SPRR2B: variants seen among roughly 807,000 people sequenced by gnomAD.
SPRR2B encodes the protein small proline-rich protein 2B.
A neutral mutation model predicts 1.0 loss-of-function variants in SPRR2B; 1 was observed. The observed-to-expected ratio is 1.01, with a 90% confidence interval of 0.36 to 4.77. SPRR2B has a LOEUF of 4.77. Among genes scored for constraint, SPRR2B ranks in the 30% most tolerant of loss-of-function variants. SPRR2B has a pLI of 0.16. For missense variants in SPRR2B, 53 were observed against 88.7 expected, an observed-to-expected ratio of 0.60 and a Z score of 1.62; for synonymous variants, 27 against 33.4, an observed-to-expected ratio of 0.81 and a Z score of 0.66.
At chr1:153,077,616 T>C in the SPRR2B span, among the ~76,000 whole-genome samples, 54 of 152,134 alleles carry the variant, frequency 3.5e-4, no homozygotes, top group East Asian at 0.01. Context: ...TTTCTTTTTT[T>C]TTCTTTTCTT....
the SPRR2B span, among the ~76,000 whole-genome samples, chr1:153,076,724 T>C: frequency 1.3e-5 from 2 of 152,334 alleles, no homozygotes; most frequent in Middle Eastern, 6.8e-3. Flanking sequence ...TTTTAAAATA[T>C]GTCAACACAA....
chr1:153,073,461 CCACT>C (rs66884220), upstream of SPRR2B, among the ~76,000 whole-genome samples: 2,457 of 152,192 alleles, frequency 0.016, 61 homozygotes, highest in African/African-American at 0.056. Flanking sequence ...TGAGAACACC[CCACT>C]CAAACAGGCT....
At chr1:153,079,030 T>C in the SPRR2B span, among the ~76,000 whole-genome samples, 1 of 152,210 alleles carries the variant, frequency 6.6e-6, no homozygotes, top group African/African-American at 2.4e-5. Flanking sequence ...ACCTGTTGTT[T>C]CCTGACTTTT....
the SPRR2B span, among the ~76,000 whole-genome samples, chr1:153,082,007 G>A: frequency 4.6e-5 from 7 of 151,998 alleles, no homozygotes; most frequent in African/African-American, 1.4e-4. Flanking sequence ...TAGAGACAGT[G>A]CATCCTGCCC....
At chr1:153,075,858 A>T (rs1456465077), upstream of SPRR2B, among the ~76,000 whole-genome samples, 1 of 152,194 alleles carries the variant, frequency 6.6e-6, no homozygotes, top group African/African-American at 2.4e-5. Context: ...TGATCTTGAC[A>T]TTTATTCTTA....
At chr1:153,075,475 C>A (rs1322095915), upstream of SPRR2B, among the ~76,000 whole-genome samples, 13 of 151,682 alleles carry the variant, frequency 8.6e-5, no homozygotes, top group African/African-American at 2.7e-4. Context: ...AGATAGAAAT[C>A]ATAACATTGG....
upstream of SPRR2B, among the ~76,000 whole-genome samples, chr1:153,076,339 A>G (rs1654767230): frequency 6.6e-6 from 1 of 152,208 alleles, no homozygotes; most frequent in Non-Finnish European, 1.5e-5. Context: ...GTTATTAGTA[A>G]TATAAAGTAC....
At chr1:153,077,732 C>T in the SPRR2B span, among the ~76,000 whole-genome samples, 4 of 151,988 alleles carry the variant, frequency 2.6e-5, no homozygotes, top group Admixed American at 2.6e-4. Flanking sequence ...TATCTTGCCT[C>T]AGCCTCCTTA....
the SPRR2B span, among the ~76,000 whole-genome samples, chr1:153,081,733 G>A: frequency 0.016 from 2,400 of 151,970 alleles, 63 homozygotes; most frequent in African/African-American, 0.055. Flanking sequence ...AATCTGTGTT[G>A]GCAAACACAC....
At chr1:153,072,399 G>A (rs1302316442), upstream of SPRR2B, among the ~76,000 whole-genome samples, 1 of 152,162 alleles carries the variant, frequency 6.6e-6, no homozygotes. Context: ...AGGAAATGGA[G>A]AGAAGGGAAC....
the SPRR2B span, among the ~76,000 whole-genome samples, chr1:153,086,350 A>G: frequency 6.6e-6 from 1 of 152,322 alleles, no homozygotes; most frequent in East Asian, 1.9e-4. Context: ...AAACAAATGA[A>G]AAACAGAAAA....
the SPRR2B span, among the ~76,000 whole-genome samples, chr1:153,083,733 T>C: frequency 3.9e-5 from 6 of 152,132 alleles, no homozygotes; most frequent in African/African-American, 7.2e-5. Context: ...CCTCTGGAAT[T>C]CCAGCAGGAG....
upstream of SPRR2B, among the ~76,000 whole-genome samples, chr1:153,072,219 A>G (rs1654681250): frequency 6.6e-6 from 1 of 152,116 alleles, no homozygotes; most frequent in Non-Finnish European, 1.5e-5. Context: ...GATTTTACCT[A>G]TATTCCTTTT....
chr1:153,071,648 C>G (rs1354649864), upstream of SPRR2B, among the ~76,000 whole-genome samples: 1 of 152,170 alleles, frequency 6.6e-6, no homozygotes, highest in Non-Finnish European at 1.5e-5. Context: ...ATAGGGCCAG[C>G]TACCCCACCC....
the SPRR2B span, among the ~76,000 whole-genome samples, chr1:153,079,685 C>T: frequency 1.3e-5 from 2 of 152,012 alleles, no homozygotes; most frequent in Admixed American, 1.3e-4. Flanking sequence ...AGATATGCAG[C>T]ATTATTTCTG....
chr1:153,081,318 G>C, the SPRR2B span, among the ~76,000 whole-genome samples: 16 of 152,162 alleles, frequency 1.1e-4, no homozygotes, highest in Non-Finnish European at 2.1e-4. Flanking sequence ...AATGAATCAT[G>C]ATATCTAAGA....
At chr1:153,085,819 C>T in the SPRR2B span, among the ~76,000 whole-genome samples, 12 of 152,150 alleles carry the variant, frequency 7.9e-5, no homozygotes, top group Non-Finnish European at 1.8e-4. Flanking sequence ...GCCATTTAGA[C>T]TAAAAACAGA....
At chr1:153,078,941 G>A in the SPRR2B span, among the ~76,000 whole-genome samples, 2 of 152,114 alleles carry the variant, frequency 1.3e-5, no homozygotes, top group Non-Finnish European at 2.9e-5. Flanking sequence ...TCACCACACT[G>A]AATTCCACAA....
the SPRR2B span, among the ~76,000 whole-genome samples, chr1:153,083,309 C>T: frequency 6.6e-5 from 10 of 152,312 alleles, no homozygotes; most frequent in South Asian, 2.1e-3. Flanking sequence ...ATAGGGACTA[C>T]TTCCTGTCTT....
Sources: gnomAD v4.1 joint callset for allele counts (sites outside exome capture counted in the v4.1 genomes callset) on GRCh38, gnomAD v4.1.1 for gene constraint, MANE v1.5 for transcripts, NCBI Gene and HGNC (gene_info 2026-07-23, HGNC 2026-07-21) for gene names.